ITPR2: variants seen among roughly 807,000 people sequenced by gnomAD.
ITPR2 encodes inositol 1,4,5-trisphosphate receptor type 2.
A neutral mutation model predicts 317.1 loss-of-function variants in ITPR2; 207 were observed. The observed-to-expected ratio is 0.65, with a 90% CI of 0.58 to 0.73. ITPR2 has a LOEUF of 0.73. Among genes scored for constraint, ITPR2 ranks in the 30% least tolerant of loss-of-function variants. The probability of loss-of-function intolerance (pLI) is 0.00; values close to 1 mark genes in which losing one functional copy is unlikely to be tolerated. For synonymous variants in ITPR2, 1,156 were observed against 1,149.1 expected (o/e 1.01, Z -0.12); for missense variants, 2,613 against 3,284.0 (o/e 0.80, Z 4.99).
chr12:26,721,106 A>T (rs1226756918), intron 5 of ITPR2, among the ~76,000 whole-genome samples: 3 of 152,188 alleles, frequency 2.0e-5, no homozygotes, highest in Non-Finnish European at 4.4e-5. Context: ...TCAGTCCCTG[A>T]ACAATTGAGA....
chr12:26,768,584 A>C (rs200264717), intron 2 of ITPR2, among the ~76,000 whole-genome samples: 38 of 113,940 alleles, frequency 3.3e-4, no homozygotes, highest in Non-Finnish European at 6.4e-4. Flanking sequence ...AAAAAAAAAA[A>C]AAAAAAAAAA....
intron 36 of ITPR2, among the ~76,000 whole-genome samples, chr12:26,555,489 C>T (rs1323945823): frequency 6.6e-6 from 1 of 152,210 alleles, no homozygotes; most frequent in East Asian, 1.9e-4. Context: ...GTGCCCTCCA[C>T]ATAAAGACAA....
At chr12:26,762,706 A>G (rs1435341241) in intron 2 of ITPR2, among the ~76,000 whole-genome samples, 1 of 152,214 alleles carries the variant, frequency 6.6e-6, no homozygotes, top group East Asian at 1.9e-4. Context: ...AATCGCTTTT[A>G]ATTCTAGTAT....
chr12:26,788,779 G>T (rs1198824741), intron 2 of ITPR2, among the ~76,000 whole-genome samples: 3 of 152,010 alleles, frequency 2.0e-5, no homozygotes, highest in Non-Finnish European at 4.4e-5. Context: ...GCTATATTCT[G>T]GGTGGTTTCC....
intron 45 of ITPR2, among the ~76,000 whole-genome samples, chr12:26,451,862 A>C (rs1019619465): frequency 1.3e-5 from 2 of 152,238 alleles, no homozygotes; most frequent in African/African-American, 4.8e-5. Flanking sequence ...AAAATGACTT[A>C]GGGCAGTTTT....
At chr12:26,349,076 A>T (rs1938398132) in intron 55 of ITPR2, among the ~76,000 whole-genome samples, 1 of 152,188 alleles carries the variant, frequency 6.6e-6, no homozygotes, top group African/African-American at 2.4e-5. Context: ...CGAGCCTAGA[A>T]GGTAGAGACT....
chr12:26,385,857 G>T (rs769820678), intron 55 of ITPR2, among the ~76,000 whole-genome samples: 3 of 151,504 alleles, frequency 2.0e-5, no homozygotes, highest in South Asian at 2.1e-4. Context: ...CCATCTTGAA[G>T]CCTTCGCAGG....
intron 2 of ITPR2, among the ~76,000 whole-genome samples, chr12:26,763,406 T>TC (rs899813104): frequency 2.6e-5 from 4 of 152,122 alleles, no homozygotes; most frequent in African/African-American, 9.7e-5. Context: ...TGACTTTTTT[T>TC]CCCATCGAAG....
chr12:26,812,537 C>T (rs1022469245), intron 1 of ITPR2, among the ~76,000 whole-genome samples: 3 of 152,262 alleles, frequency 2.0e-5, no homozygotes, highest in Admixed American at 6.5e-5. Context: ...TGAGATTGCA[C>T]CACTGCACTC....
chr12:26,685,836 C>G (rs1020023617), intron 11 of ITPR2, among the ~76,000 whole-genome samples: 1 of 152,116 alleles, frequency 6.6e-6, no homozygotes, highest in African/African-American at 2.4e-5. Context: ...GACTTGATTC[C>G]TTAATTCATT....
chr12:26,635,059 A>G (rs552888720), intron 21 of ITPR2, among the ~76,000 whole-genome samples: 2 of 152,300 alleles, frequency 1.3e-5, no homozygotes, highest in East Asian at 3.9e-4. Context: ...GGTAACTGGG[A>G]ATGCTTGGGG....
At chr12:26,703,249 C>T (rs1453111312) in intron 9 of ITPR2, among the ~76,000 whole-genome samples, 1 of 152,192 alleles carries the variant, frequency 6.6e-6, no homozygotes, top group Non-Finnish European at 1.5e-5. Context: ...AACCATTTCT[C>T]TCAGATGTGC....
chr12:26,396,251 T>C (rs547702316), intron 54 of ITPR2, among the ~76,000 whole-genome samples: 1 of 152,246 alleles, frequency 6.6e-6, no homozygotes, highest in East Asian at 1.9e-4. Flanking sequence ...AGGAGGTATA[T>C]TTATCTTCCA....
At chr12:26,590,822 G>A (rs1296058718) in intron 32 of ITPR2, among the ~76,000 whole-genome samples, 2 of 152,142 alleles carry the variant, frequency 1.3e-5, no homozygotes, top group Non-Finnish European at 2.9e-5. Context: ...GCTCACGCCT[G>A]TAATCTTAGC....
intron 32 of ITPR2, among the ~76,000 whole-genome samples, chr12:26,587,607 G>T (rs12371131): frequency 0.26 from 39,473 of 152,000 alleles, 5,971 homozygotes; most frequent in Non-Finnish European, 0.35. Flanking sequence ...AAGAAGGGTG[G>T]TCATAGGGCA....
At chr12:26,638,198 A>T (rs1946905818) in intron 21 of ITPR2, among the ~76,000 whole-genome samples, 1 of 152,226 alleles carries the variant, frequency 6.6e-6, no homozygotes, top group Non-Finnish European at 1.5e-5. Flanking sequence ...TCAAATATTG[A>T]CAAAGTCATT....
chr12:26,786,545 A>G (rs971794788), intron 2 of ITPR2, among the ~76,000 whole-genome samples: 8 of 151,912 alleles, frequency 5.3e-5, no homozygotes, highest in Admixed American at 5.2e-4. Flanking sequence ...ATATCAATCT[A>G]TTGTATGGTT....
intron 49 of ITPR2, among the ~76,000 whole-genome samples, chr12:26,423,031 G>A (rs181320743): frequency 4.5e-4 from 68 of 152,222 alleles, no homozygotes; most frequent in African/African-American, 1.6e-3. Context: ...CTCTTAAATT[G>A]CTGACAAAAC....
In ITPR2 at chr12:26,487,168, C is replaced by A. The variant is rs1345403318; in HGVS notation, c.5454G>T (p.Gln1818His). ...KVLYDRMKAA[Q>H]KEIRSTVTVN... is the part of the protein sequence containing the mutation. ...CTGTCACTGTTGATCTTATTTCTTTCTGAGCAGCCTTCATTCGATCATAGA... is the reference window on the plus strand; with the variant it reads ...CTGTCACTGTTGATCTTATTTCTTTATGAGCAGCCTTCATTCGATCATAGA... Residue 1818 changes from glutamine (Q) to histidine (H), a missense_variant, in exon 40 of 57, where the codon CAG becomes CAT. Gln to His is a conservative substitution (Grantham distance 24, BLOSUM62 0). This residue lies in a region of ITPR2 where 926 missense variants were observed against 1,072.8 expected (regional missense o/e 0.86). Transcript: ENST00000381340. The A allele has an allele frequency of 1.2e-6, 2 of 1,613,118 alleles. No homozygotes were observed. Among genetic ancestry groups the A allele is most frequent in the Non-Finnish European group, 1.7e-6 (2 of 1,179,610 alleles).
Sources: allele counts gnomAD v4.1 joint callset (sites outside exome capture counted in the v4.1 genomes callset), GRCh38; gene constraint gnomAD v4.1.1; regional missense constraint gnomAD v4.1.1; transcripts MANE v1.5; gene names NCBI Gene and HGNC (gene_info 2026-07-23, HGNC 2026-07-21).